MAP3K1: variants seen among roughly 807,000 people sequenced by gnomAD.
MAP3K1 encodes the protein MAP/ERK kinase kinase 1.
In MAP3K1, 36 loss-of-function variants were observed where a neutral mutation model predicts 144.2. The ratio of observed to expected loss-of-function variants is 0.25; its 90% CI spans 0.19 to 0.33. The LOEUF is 0.33. Among genes scored for constraint, MAP3K1 ranks in the 10% least tolerant of loss-of-function variants. MAP3K1 has a pLI of 1.00. For synonymous variants in MAP3K1, 718 were observed against 688.7 expected (o/e 1.04, Z -0.67); for missense variants, 1,650 against 1,881.9 (o/e 0.88, Z 2.28).
chr5:56,878,611 T>G (rs1034076877), intron 10 of MAP3K1, among the ~76,000 whole-genome samples: 2 of 152,230 alleles, frequency 1.3e-5, no homozygotes, highest in African/African-American at 4.8e-5. Flanking sequence ...TTCTGTGGGT[T>G]GCAACCCAGT....
chr5:56,854,344 A>C (rs532758478), intron 1 of MAP3K1, among the ~76,000 whole-genome samples: 1 of 149,066 alleles, frequency 6.7e-6, no homozygotes, highest in Non-Finnish European at 1.5e-5. Flanking sequence ...GAGGCAGGAG[A>C]ATCACTTGAA....
rs576499017 is a variant in MAP3K1, at chr5:56,818,172, A to G, written c.482+2117A>G. On this transcript the variant is annotated intron_variant, in intron 1 of 19. Transcript: ENST00000399503. Reference sequence around the variant, plus strand: ...TATAGTGAATTTTTTTTTCTTAACAATTGGGTTGAAATTCATTTGAATCTG... The same window carrying G: ...TATAGTGAATTTTTTTTTCTTAACAGTTGGGTTGAAATTCATTTGAATCTG... Among the ~76,000 whole-genome samples the G allele has an allele frequency of 1.2e-4, 18 of 152,228 alleles. No individual in the cohort carries two copies. In the East Asian group the frequency reaches 3.3e-3, roughly 28 times the overall value.
chr5:56,835,451 GGGAAGAGGAGACAGGAAGGT>G (rs1746623930), intron 1 of MAP3K1, among the ~76,000 whole-genome samples: 1 of 151,024 alleles, frequency 6.6e-6, no homozygotes, highest in African/African-American at 2.4e-5. Flanking sequence ...CAGGAAGGCA[GGGAAGAGGAGACAGGAAGGT>G]AGGAAGAGGA....
chr5:56,894,051 C>T lies in MAP3K1; in HGVS notation c.*371C>T. 2.7e-6 allele frequency: 1 copy of T among 376,990 alleles called. No homozygotes were observed. Among genetic ancestry groups the T allele is most frequent in the Non-Finnish European group, 5.0e-6 (1 of 201,492 alleles). 23.4% of individuals were successfully genotyped at this position (376,990 alleles called of 1,614,324 possible). On this transcript the variant is annotated 3_prime_UTR_variant, in exon 20 of 20. Coordinates refer to ENST00000399503, the MANE Select transcript of MAP3K1 (RefSeq NM_005921.2). Reference sequence around the variant, plus strand: ...TATTTTAATATTTCAATTATTCTTCCATTTCATATAGTGATCACAAGCAGG... The same window carrying T: ...TATTTTAATATTTCAATTATTCTTCTATTTCATATAGTGATCACAAGCAGG...
intron 1 of MAP3K1, among the ~76,000 whole-genome samples, chr5:56,819,010 T>C (rs1251080052): frequency 6.6e-6 from 1 of 151,956 alleles, no homozygotes; most frequent in Non-Finnish European, 1.5e-5. Flanking sequence ...GGTGACTTTA[T>C]AAAAATAAAG....
At chr5:56,844,591 G>A (rs1003388374) in intron 1 of MAP3K1, among the ~76,000 whole-genome samples, 1 of 151,948 alleles carries the variant, frequency 6.6e-6, no homozygotes, top group East Asian at 1.9e-4. Flanking sequence ...CCTCCTCTGT[G>A]GATCTTTTCA....
At chr5:56,816,503 C>T (rs907573799) in intron 1 of MAP3K1, among the ~76,000 whole-genome samples, 3 of 150,974 alleles carry the variant, frequency 2.0e-5, no homozygotes, top group East Asian at 2.0e-4. Context: ...GGAAGAGGGG[C>T]GGGGTGGGTG....
In MAP3K1 at chr5:56,881,097, G is replaced by C; in HGVS notation, c.2194G>C (p.Gly732Arg). 6.2e-7 allele frequency: 1 copy of C among 1,611,786 alleles called. No individual in the cohort carries two copies. Among genetic ancestry groups the C allele is most frequent in the Non-Finnish European group, 8.5e-7 (1 of 1,178,356 alleles). ...EILKAGSIGIGGVDYVLNCIL... is the reference protein window; with the variant it reads ...EILKAGSIGIRGVDYVLNCIL... The stretch of plus-strand genomic sequence containing the variant: ...CCTTTTTGTAGGATCCATTGGTATT[G>C]GTGGTGTTGATTATGTCTTAAATTG... The change falls in exon 13 of 20, where the codon GGT (glycine) becomes CGT (arginine). Residue 732 changes from glycine (G) to arginine (R), a missense_variant. Around this residue, in one of 6 missense-constraint regions of MAP3K1, gnomAD observed 841 missense variants for 886.5 expected, o/e 0.95. Transcript: ENST00000399503.
intron 6 of MAP3K1, among the ~76,000 whole-genome samples, chr5:56,866,977 C>T (rs762701381): frequency 2.6e-5 from 4 of 152,064 alleles, no homozygotes; most frequent in Non-Finnish European, 1.5e-5. Flanking sequence ...ATAGCCAGAA[C>T]CTGGGTATCT....
In MAP3K1 at chr5:56,881,150, C is replaced by T. The variant is rs763362183; in HGVS notation, c.2247C>T (p.Asn749=). The T allele has an allele frequency of 1.2e-6, 2 of 1,613,780 alleles. No homozygotes were observed. The highest frequency in any genetic ancestry group is 1.3e-5 in the African/African-American group (1 of 75,024). Residue 749 remains asparagine (N), a synonymous_variant, in exon 13 of 20, where the codon AAC becomes AAT. Transcript: ENST00000399503. The part of the protein sequence containing the change: ...NCILGNQTES[N]NWQELLGRLC... Reference sequence around the variant, plus strand: ...TTCTTGGAAACCAAACTGAATCAAACAATTGGCAAGAACTTCTTGGCCGCC... The same window carrying T: ...TTCTTGGAAACCAAACTGAATCAAATAATTGGCAAGAACTTCTTGGCCGCC...
At chr5:56,862,723 G>T (rs572015835) in intron 3 of MAP3K1, among the ~76,000 whole-genome samples, 2 of 152,252 alleles carry the variant, frequency 1.3e-5, no homozygotes, top group South Asian at 2.1e-4. Flanking sequence ...CCATAGGCTG[G>T]ATACCTAGCA....
rs544553435 is a variant in MAP3K1 at position 56,893,472 on chromosome 5, T to G, written c.4390-59T>G. 21 of 1,557,068 alleles carry G rather than the reference T, an allele frequency of 1.3e-5. No individual in the cohort carries two copies. The South Asian group carries it at 2.3e-4, about 17-fold the overall frequency. Reference sequence around the variant, plus strand: ...AAGGGTTATGAGGTCTATGCACATGTGTTTCTGTATCAGAAGTTACAGTTG... The same window carrying G: ...AAGGGTTATGAGGTCTATGCACATGGGTTTCTGTATCAGAAGTTACAGTTG... On this transcript the variant is annotated intron_variant, in intron 19 of 19. Transcript: ENST00000399503.
intron 1 of MAP3K1, among the ~76,000 whole-genome samples, chr5:56,836,259 C>T (rs1052095658): frequency 6.6e-6 from 1 of 152,086 alleles, no homozygotes; most frequent in Non-Finnish European, 1.5e-5. Flanking sequence ...TCCTAATTGT[C>T]GCTTTTAAAT....
chr5:56,821,829 C>T (rs1272877468), intron 1 of MAP3K1, among the ~76,000 whole-genome samples: 3 of 152,208 alleles, frequency 2.0e-5, no homozygotes, highest in Non-Finnish European at 4.4e-5. Context: ...CTCCCAGCAT[C>T]TAGACTAGTG....
intron 17 of MAP3K1, 88 bp from the exon 18 acceptor site, chr5:56,887,290 G>A (rs577866786): frequency 8.1e-7 from 1 of 1,232,156 alleles, no homozygotes; most frequent in African/African-American, 1.5e-5. Context: ...TTTTGTCATT[G>A]TCCTAGTTCA....
Position 56,882,426 on chromosome 5 carries a change from C to T in MAP3K1, c.3226C>T (p.Pro1076Ser). 6.2e-7 allele frequency: 1 copy of T among 1,614,074 alleles called. No individual in the cohort carries two copies. Among genetic ancestry groups the T allele is most frequent in the South Asian group, 1.1e-5 (1 of 91,082 alleles). Residue 1076 changes from proline (P) to serine (S), a missense_variant, in exon 14 of 20, where the codon CCC becomes TCC. This residue lies in a region of MAP3K1 where 841 missense variants were observed against 886.5 expected (regional missense o/e 0.95). Coordinates refer to ENST00000399503, the MANE Select transcript of MAP3K1 (RefSeq NM_005921.2). Reference protein sequence around the residue: ...TPGNTSKQGDPSKNSMTLDLN... With the variant: ...TPGNTSKQGDSSKNSMTLDLN... ...AGGTAATACAAGTAAACAGGGAGAT[C>T]CCTCAAAAAATAGCATGACACTTGA...
chr5:56,825,143 G>A lies in MAP3K1; in HGVS notation c.482+9088G>A, dbSNP rs566138294. Among the ~76,000 whole-genome samples the A allele has an allele frequency of 3.3e-5, 5 of 152,138 alleles. No homozygotes were observed. The South Asian group carries it at 1.0e-3, about 32-fold the overall frequency. ...CTGCCTCAGCCTCTTGAGTAGCTGGGATTACAGGCGCCTGCCACCACTTCC... is the reference window on the plus strand; with the variant it reads ...CTGCCTCAGCCTCTTGAGTAGCTGGAATTACAGGCGCCTGCCACCACTTCC... On this transcript the variant is annotated intron_variant, in intron 1 of 19. Coordinates refer to ENST00000399503, the MANE Select transcript of MAP3K1 (RefSeq NM_005921.2).
chr5:56,846,675 T>C (rs1214831113), intron 1 of MAP3K1, among the ~76,000 whole-genome samples: 1 of 152,238 alleles, frequency 6.6e-6, no homozygotes, highest in African/African-American at 2.4e-5. Flanking sequence ...CGAATTCTGA[T>C]GTGTATTTGA....
intron 1 of MAP3K1, among the ~76,000 whole-genome samples, chr5:56,845,067 T>TA (rs1746948055): frequency 6.6e-6 from 1 of 152,220 alleles, no homozygotes; most frequent in African/African-American, 2.4e-5. Flanking sequence ...CTCAGAGCAT[T>TA]AAAAACAGTT....
Sources: allele counts gnomAD v4.1 joint callset (sites outside exome capture counted in the v4.1 genomes callset), GRCh38; gene constraint gnomAD v4.1.1; regional missense constraint gnomAD v4.1.1; transcripts MANE v1.5; gene names NCBI Gene and HGNC (gene_info 2026-07-23, HGNC 2026-07-21).